WDR48: variants seen among roughly 807,000 people sequenced by gnomAD.
The protein encoded by WDR48 is WD repeat domain 48, also known as WD repeat-containing protein 48.
A neutral mutation model predicts 94.0 loss-of-function variants in WDR48; 22 were observed. The observed-to-expected ratio is 0.23, with a 90% CI of 0.17 to 0.33. WDR48 has a LOEUF of 0.33. Among genes scored for constraint, WDR48 ranks in the 10% least tolerant of loss-of-function variants. The pLI, the probability that WDR48 is intolerant of heterozygous loss-of-function variation, is 1.00. For synonymous variants in WDR48, 278 were observed against 280.5 expected, an observed-to-expected ratio of 0.99 and a Z score of 0.09; for missense variants, 541 against 813.8, an observed-to-expected ratio of 0.66 and a Z score of 4.08.
chr3:39,084,670 GTGAT>G lies in WDR48; in HGVS notation c.1310_1313del (p.Asp437ValfsTer23). ...ATGTTAACTATTACTTTGGATGAAA[GTGAT>G]TGTTTTGCTGCCTGGGTTTCTGCAA... On this transcript the variant is annotated frameshift_variant, in exon 13 of 19. Transcript: ENST00000302313. LOFTEE classifies it high-confidence loss of function. 6.2e-7 allele frequency: 1 copy of G among 1,613,928 alleles called. No homozygotes were observed. The highest frequency in any genetic ancestry group is 8.5e-7 in the Non-Finnish European group (1 of 1,179,910).
In WDR48 at chr3:39,052,309, C is replaced by T. The variant is rs1317447644; in HGVS notation, c.48+236C>T. On this transcript the variant is annotated intron_variant, in intron 1 of 18. Transcript: ENST00000302313. ...GGACCCTCGTGGGCGGCATTCTGAG[C>T]CCGGGATTGCTTGTCGCCGCTCTTC... The T allele has an allele frequency of 3.4e-5, 18 of 526,136 alleles. No individual in the cohort carries two copies. In the East Asian group the frequency reaches 6.6e-4, roughly 19 times the overall value. The allele number at this position is 526,136 out of a possible 1,614,324, so 32.6% of individuals were successfully genotyped here. A position where few individuals can be genotyped will look rare whatever the true frequency, so the allele number is the denominator to read the frequency against.
Position 39,074,873 on chromosome 3 carries a change from A to G in WDR48, c.820A>G (p.Arg274Gly). The part of the protein sequence containing the change: ...FTHVYSGGRD[R>G]KIYCTDLRNP... Reference sequence around the variant, plus strand: ...ACATGTGTATTCTGGTGGAAGGGACAGGAAGATTTATTGTACAGACCTAAG... The same window carrying G: ...ACATGTGTATTCTGGTGGAAGGGACGGGAAGATTTATTGTACAGACCTAAG... Residue 274 changes from arginine to glycine, a missense_variant, in exon 8 of 19, where the codon AGG (arginine) becomes GGG (glycine). Coordinates refer to ENST00000302313, the MANE Select transcript of WDR48 (RefSeq NM_020839.4). The G allele has an allele frequency of 1.2e-6, 2 of 1,614,240 alleles. No individual in the cohort carries two copies. Among genetic ancestry groups the G allele is most frequent in the South Asian group, 2.2e-5 (2 of 91,088 alleles).
intron 1 of WDR48, among the ~76,000 whole-genome samples, chr3:39,060,093 TC>T (rs1349429854): frequency 6.6e-6 from 1 of 152,186 alleles, no homozygotes; most frequent in Non-Finnish European, 1.5e-5. Flanking sequence ...GTGATAAAAT[TC>T]ACATACCATA....
intron 8 of WDR48, among the ~76,000 whole-genome samples, chr3:39,076,291 G>A (rs1172731579): frequency 1.3e-5 from 2 of 152,176 alleles, no homozygotes; most frequent in African/African-American, 4.8e-5. Context: ...CTTTAGAGAA[G>A]CAAGGAGTCA....
rs75613075 is a variant in WDR48, at chr3:39,083,733, T to G, written c.1174-422T>G. ...TGAAGGAAAGGTGTACCGTTTACTG[T>G]TGCTAAATGACATAGGCCTCAGAGA... On this transcript the variant is annotated intron_variant, in intron 11 of 18. Transcript: ENST00000302313. 6.4e-3 allele frequency among the ~76,000 whole-genome samples: 972 copies of G among 152,286 alleles called. 15 individuals are homozygous for G. The highest frequency in any genetic ancestry group is 0.023 in the African/African-American group (945 of 41,542).
At chr3:39,085,213 C>T (rs1045767633) in intron 13 of WDR48, among the ~76,000 whole-genome samples, 3 of 147,930 alleles carry the variant, frequency 2.0e-5, no homozygotes, top group Admixed American at 6.7e-5. Context: ...GGTGACAGAG[C>T]GAGACTCTAT....
Position 39,084,675 on chromosome 3 carries a change from T to G in WDR48, c.1312T>G (p.Cys438Gly). 3 of 1,614,026 alleles carry G rather than the reference T, an allele frequency of 1.9e-6. No homozygotes were observed. Among genetic ancestry groups the G allele is most frequent in the Non-Finnish European group, 2.5e-6 (3 of 1,179,948 alleles). The part of the protein sequence containing the change: ...MLTITLDESD[C>G]FAAWVSAKDA... ...AACTATTACTTTGGATGAAAGTGAT[T>G]GTTTTGCTGCCTGGGTTTCTGCAAA... is the stretch of plus-strand genomic sequence containing the variant. The change falls in exon 13 of 19, where the codon TGT becomes GGT. Residue 438 changes from cysteine (C) to glycine (G), a missense_variant. Cys to Gly is a radical substitution (Grantham distance 159, BLOSUM62 -3). Coordinates refer to ENST00000302313, the MANE Select transcript of WDR48 (RefSeq NM_020839.4).
At chr3:39,058,507 G>T (rs781502792) in intron 1 of WDR48, among the ~76,000 whole-genome samples, 2 of 152,110 alleles carry the variant, frequency 1.3e-5, no homozygotes, top group African/African-American at 2.4e-5. Context: ...CAGAAGTCTG[G>T]ATATCAAGAT....
At chr3:39,094,152 CT>C in intron 18 of WDR48, 86 bp downstream of exon 18, 1 of 1,515,898 alleles carries the variant, frequency 6.6e-7, no homozygotes, top group Non-Finnish European at 8.8e-7. Context: ...GGGGCTTCTA[CT>C]TTTAGAGGGG....
At chr3:39,082,364 C>T (rs1463588557) in intron 11 of WDR48, among the ~76,000 whole-genome samples, 1 of 151,994 alleles carries the variant, frequency 6.6e-6, no homozygotes. Context: ...TCACTGCAAC[C>T]TCTGACTCCC....
intron 14 of WDR48, among the ~76,000 whole-genome samples, chr3:39,087,461 G>A (rs1034495125): frequency 1.3e-5 from 2 of 152,180 alleles, no homozygotes; most frequent in South Asian, 2.1e-4. Flanking sequence ...TACAAGAAAT[G>A]TAAACAATTA....
At chr3:39,052,416 C>G (rs1330110093) in intron 1 of WDR48, 1 of 254,128 alleles carries the variant, frequency 3.9e-6, no homozygotes, top group Non-Finnish European at 7.7e-6. Flanking sequence ...CTTCGAAGCG[C>G]TCTGCCCTCG....
intron 6 of WDR48, 74 bp downstream of exon 6, chr3:39,068,933 A>T: frequency 8.4e-7 from 1 of 1,185,230 alleles, no homozygotes; most frequent in East Asian, 2.4e-5. Flanking sequence ...TTTTTTAAGC[A>T]GGTATTTTAC....
chr3:39,093,794 T>C (rs1197968982), intron 17 of WDR48, 80 bp from the exon 18 acceptor site: 3 of 1,322,496 alleles, frequency 2.3e-6, no homozygotes, highest in East Asian at 5.4e-5. Context: ...TTAAAATGTT[T>C]GCATCAAAGA....
chr3:39,058,721 A>G (rs1447863184), intron 1 of WDR48, among the ~76,000 whole-genome samples: 1 of 152,172 alleles, frequency 6.6e-6, no homozygotes, highest in Admixed American at 6.5e-5. Context: ...GGTGGAAGGA[A>G]CAAGGCAGAC....
chr3:39,060,147 A>G (rs911441711), intron 1 of WDR48, among the ~76,000 whole-genome samples: 2 of 152,120 alleles, frequency 1.3e-5, no homozygotes, highest in African/African-American at 4.8e-5. Flanking sequence ...ATTTTTTTGT[A>G]TATTCGGAAA....
chr3:39,082,746 G>A (rs1457046862), intron 11 of WDR48, among the ~76,000 whole-genome samples: 1 of 152,202 alleles, frequency 6.6e-6, no homozygotes, highest in Middle Eastern at 3.2e-3. Context: ...TTGAATTTGA[G>A]TTTCTGTGGG....
intron 11 of WDR48, among the ~76,000 whole-genome samples, chr3:39,082,396 C>G (rs1056604887): frequency 3.9e-5 from 6 of 152,056 alleles, no homozygotes; most frequent in Non-Finnish European, 8.8e-5. Flanking sequence ...ATTCTCCTGC[C>G]TCAGCCTCCC....
At chr3:39,055,403 T>C (rs2032810380) in intron 1 of WDR48, among the ~76,000 whole-genome samples, 1 of 152,170 alleles carries the variant, frequency 6.6e-6, no homozygotes. Flanking sequence ...GGGAATCGCT[T>C]GAACCCAGGA....
Sources: allele counts gnomAD v4.1 joint callset (sites outside exome capture counted in the v4.1 genomes callset), GRCh38; gene constraint gnomAD v4.1.1; transcripts MANE v1.5; gene names NCBI Gene and HGNC (gene_info 2026-07-23, HGNC 2026-07-21).